Variants in HDAC9 observed in about 807,000 individuals in gnomAD.
The protein encoded by HDAC9 is histone deacetylase 9, also known as MEF-2 interacting transcription repressor (MITR) protein.
In HDAC9, 41 loss-of-function variants were observed where a neutral mutation model predicts 139.4. The observed-to-expected ratio is 0.29, with a 90% CI of 0.23 to 0.38. HDAC9 has a LOEUF of 0.38. Ranked by LOEUF, HDAC9 falls within the 10% of genes least tolerant of loss-of-function variation. HDAC9 has a pLI of 1.00. For synonymous variants in HDAC9, 517 were observed against 476.2 expected (o/e 1.09, Z -1.12); for missense variants, 1,147 against 1,297.0 (o/e 0.88, Z 1.78).
upstream of HDAC9, among the ~76,000 whole-genome samples, chr7:18,288,317 T>C (rs1797588155): frequency 6.6e-6 from 1 of 152,258 alleles, no homozygotes; most frequent in African/African-American, 2.4e-5. Flanking sequence ...ACTTTTACCA[T>C]CTATAATTTG....
At position 18,570,433 on chromosome 7, in the gene HDAC9, T is replaced by A. The variant is rs539913250; in HGVS notation, c.23-14848T>A. On this transcript the variant is annotated intron_variant, in intron 2 of 25. Coordinates refer to ENST00000686413, the MANE Select transcript of HDAC9 (RefSeq NM_178425.4). The stretch of plus-strand genomic sequence containing the variant: ...ATATTGACAATTATGAACAAATGTT[T>A]TTCTTCACCTTTAAAAACAAAAATA... 8.5e-5 allele frequency among the ~76,000 whole-genome samples: 13 copies of A among 152,348 alleles called. No homozygotes were observed. In the South Asian group the frequency reaches 2.7e-3, roughly 32 times the overall value.
At chr7:18,827,197 A>C (rs1795513731) in intron 17 of HDAC9, among the ~76,000 whole-genome samples, 1 of 151,992 alleles carries the variant, frequency 6.6e-6, no homozygotes, top group Non-Finnish European at 1.5e-5. Flanking sequence ...ACACTTCAAA[A>C]ATTTACATGA....
intron 17 of HDAC9, among the ~76,000 whole-genome samples, chr7:18,795,362 G>A (rs569377024): frequency 6.7e-6 from 1 of 149,326 alleles, no homozygotes; most frequent in South Asian, 2.1e-4. Flanking sequence ...TGGCAAATCT[G>A]TAACTTTTCT....
At chr7:18,790,227 C>CT (rs1298215170) in intron 16 of HDAC9, among the ~76,000 whole-genome samples, 4 of 152,166 alleles carry the variant, frequency 2.6e-5, no homozygotes, top group African/African-American at 9.7e-5. Context: ...GGGATTTAAT[C>CT]TTACTATGAA....
intron 1 of HDAC9, among the ~76,000 whole-genome samples, chr7:18,405,622 A>G (rs1787936528): frequency 6.6e-6 from 1 of 152,182 alleles, no homozygotes; most frequent in South Asian, 2.1e-4. Context: ...ATTGGGGCAT[A>G]AGAAGAAAGA....
chr7:18,988,671 T>A (rs1785591275), intron 25 of HDAC9, among the ~76,000 whole-genome samples: 1 of 151,890 alleles, frequency 6.6e-6, no homozygotes, highest in Non-Finnish European at 1.5e-5. Context: ...GGTGTTAAAG[T>A]CTCCCATTAT....
At chr7:18,823,804 C>T (rs1210514698) in intron 17 of HDAC9, among the ~76,000 whole-genome samples, 1 of 151,880 alleles carries the variant, frequency 6.6e-6, no homozygotes, top group Admixed American at 6.6e-5. Context: ...CAGAGCAAAA[C>T]CCCATCTTCA....
chr7:18,250,363 C>T (rs957282995), intron 2 of HDAC9, among the ~76,000 whole-genome samples: 1 of 152,208 alleles, frequency 6.6e-6, no homozygotes, highest in Non-Finnish European at 1.5e-5. Flanking sequence ...AGTATGAATC[C>T]TCAGTAAGAC....
At chr7:18,745,460 A>C (rs1313668506) in intron 13 of HDAC9, among the ~76,000 whole-genome samples, 1 of 151,492 alleles carries the variant, frequency 6.6e-6, no homozygotes, top group African/African-American at 2.4e-5. Flanking sequence ...ATTACTACAG[A>C]GGTAAGCTTA....
chr7:18,823,025 T>C (rs1449822112), intron 17 of HDAC9, among the ~76,000 whole-genome samples: 1 of 152,200 alleles, frequency 6.6e-6, no homozygotes, highest in Non-Finnish European at 1.5e-5. Context: ...TGTTTTTTAT[T>C]CTGATGGAAA....
At position 19,000,347 on chromosome 7, in the gene HDAC9, A is replaced by C. The variant is rs1255386755; in HGVS notation, c.*4285A>C. On this transcript the variant is annotated 3_prime_UTR_variant, in exon 26 of 26. Coordinates refer to ENST00000686413, the MANE Select transcript of HDAC9 (RefSeq NM_178425.4). ...TGTGACTTTTTCTGGGCATATTTGC[A>C]TCAAAAATCACAGTCCTTGCCTCCT... The C allele has an allele frequency of 6.6e-6, 1 of 152,214 alleles. No individual in the cohort carries two copies. The highest frequency in any genetic ancestry group is 1.5e-5 in the Non-Finnish European group (1 of 68,026). The allele number at this position is 152,214 out of a possible 1,614,324, so 9.4% of individuals were successfully genotyped here.
intron 23 of HDAC9, among the ~76,000 whole-genome samples, chr7:18,940,612 T>C (rs1585364305): frequency 6.6e-6 from 1 of 152,310 alleles, no homozygotes; most frequent in Non-Finnish European, 1.5e-5. Flanking sequence ...TTAGGGATAC[T>C]TGTGTCAATA....
intron 2 of HDAC9, among the ~76,000 whole-genome samples, chr7:18,555,599 G>GT (rs1478711394): frequency 4.3e-4 from 66 of 152,182 alleles, no homozygotes; most frequent in Middle Eastern, 3.4e-3. Flanking sequence ...ACACAGATGT[G>GT]TGTATATGAA....
At chr7:18,498,726 T>C (rs1406943325) in intron 2 of HDAC9, among the ~76,000 whole-genome samples, 1 of 152,016 alleles carries the variant, frequency 6.6e-6, no homozygotes, top group Non-Finnish European at 1.5e-5. Flanking sequence ...GCCGATTGTG[T>C]ACTGATTTTT....
chr7:18,772,485 G>C (rs1313924682), intron 16 of HDAC9, among the ~76,000 whole-genome samples: 1 of 151,990 alleles, frequency 6.6e-6, no homozygotes, highest in Admixed American at 6.6e-5. Context: ...GAAAGAGGAG[G>C]GGGTAGCATC....
intron 14 of HDAC9, among the ~76,000 whole-genome samples, chr7:18,761,092 T>C (rs1562921665): frequency 6.6e-6 from 1 of 152,358 alleles, no homozygotes; most frequent in East Asian, 1.9e-4. Context: ...TGGTTATATA[T>C]ATTTTTAAGT....
chr7:18,540,495 A>G (rs1028274715), intron 2 of HDAC9, among the ~76,000 whole-genome samples: 1 of 152,194 alleles, frequency 6.6e-6, no homozygotes, highest in Non-Finnish European at 1.5e-5. Context: ...AGATGTTAAA[A>G]GAAGCCCTTA....
rs902705122 is a variant in HDAC9, at chr7:18,868,452, A to G, written c.2685-6026A>G. ...TGGTTGCTGGCATCAAGGAAAGGTA[A>G]TTAAGGCGTTGGGATGTAGTCTGAT... On this transcript the variant is annotated intron_variant, in intron 21 of 25. Coordinates refer to ENST00000686413, the MANE Select transcript of HDAC9 (RefSeq NM_178425.4). 9.2e-5 allele frequency among the ~76,000 whole-genome samples: 14 copies of G among 152,320 alleles called. No individual in the cohort carries two copies. In the East Asian group the frequency reaches 1.7e-3, roughly 19 times the overall value.
At chr7:18,861,492 G>A (rs1402889636) in intron 21 of HDAC9, among the ~76,000 whole-genome samples, 1 of 152,058 alleles carries the variant, frequency 6.6e-6, no homozygotes, top group African/African-American at 2.4e-5. Flanking sequence ...GCCTAGGGAG[G>A]TGGCATCATT....
Sources: allele counts gnomAD v4.1 joint callset (sites outside exome capture counted in the v4.1 genomes callset), GRCh38; gene constraint gnomAD v4.1.1; transcripts MANE v1.5; gene names NCBI Gene and HGNC (gene_info 2026-07-23, HGNC 2026-07-21).